The following CDC27 variants were observed in gnomAD, a reference collection of about 807,000 sequenced individuals.
CDC27 encodes cell division cycle 27.
A neutral mutation model predicts 109.7 loss-of-function variants in CDC27; 27 were observed. The observed-to-expected ratio is 0.25, with a 90% CI of 0.18 to 0.34. CDC27 has a LOEUF of 0.34. Among genes scored for constraint, CDC27 ranks in the 10% least tolerant of loss-of-function variants. The pLI is 1.00. For missense variants in CDC27, 579 were observed against 960.2 expected, an observed-to-expected ratio of 0.60 and a Z score of 5.25; for synonymous variants, 266 against 333.9, an observed-to-expected ratio of 0.80 and a Z score of 2.22.
At chr17:47,134,770 G>A (rs1043219880) in intron 14 of CDC27, among the ~76,000 whole-genome samples, 3 of 151,118 alleles carry the variant, frequency 2.0e-5, no homozygotes, top group Admixed American at 6.6e-5. Context: ...CACCGTGCCC[G>A]GCCTTAATTG....
At position 47,182,113 on chromosome 17, in the gene CDC27, A is replaced by G. The variant is rs139980206; in HGVS notation, c.28-476T>C. Among the ~76,000 whole-genome samples, 1,045 of 152,332 alleles carry G rather than the reference A, an allele frequency of 6.9e-3. 15 individuals carry two copies. The highest frequency in any genetic ancestry group is 0.023 in the African/African-American group (941 of 41,580). ...CTTTTAGCAGCAGTGGTTCTCAACC[A>G]CTTTATGTGATATACATGACAGAGA... On this transcript the variant is annotated intron_variant, in intron 1 of 18. Transcript: ENST00000066544.
intron 13 of CDC27, 63 bp downstream of exon 13, chr17:47,138,676 T>A: frequency 1.7e-6 from 2 of 1,157,140 alleles, no homozygotes; most frequent in Non-Finnish European, 2.6e-6. Flanking sequence ...GCTTGGTTCA[T>A]CTCTATCTGT....
intron 2 of CDC27, among the ~76,000 whole-genome samples, chr17:47,172,271 C>T (rs221603): frequency 0.61 from 92,223 of 151,922 alleles, 28,474 homozygotes; most frequent in Admixed American, 0.69. Flanking sequence ...CTTTTCTCTA[C>T]AAGAAACCAA....
At chr17:47,170,137 GAC>G in intron 3 of CDC27, 95 bp from the exon 4 acceptor site, 1 of 937,544 alleles carries the variant, frequency 1.1e-6, no homozygotes, top group Non-Finnish European at 1.5e-6. Context: ...TAACTATGGA[GAC>G]ACAAATTTTT....
intron 8 of CDC27, among the ~76,000 whole-genome samples, chr17:47,152,919 C>T (rs998996364): frequency 1.3e-5 from 2 of 152,114 alleles, no homozygotes; most frequent in Non-Finnish European, 2.9e-5. Flanking sequence ...CTTTCTTTCC[C>T]TAGGAGAGCC....
chr17:47,132,070 C>T (rs568509806), intron 15 of CDC27, among the ~76,000 whole-genome samples, 187 bp downstream of exon 15: 2 of 110,178 alleles, frequency 1.8e-5, no homozygotes, highest in African/African-American at 6.9e-5. Flanking sequence ...GTGACTTGTG[C>T]AAGGGATAAG....
At chr17:47,122,403 G>T in intron 18 of CDC27, 41 bp downstream of exon 18, 1 of 1,367,536 alleles carries the variant, frequency 7.3e-7, no homozygotes, top group Non-Finnish European at 9.9e-7. Flanking sequence ...TATGCAAAAG[G>T]TAACTTTCTA....
chr17:47,123,444 T>A (rs1349384972), intron 17 of CDC27, among the ~76,000 whole-genome samples: 2 of 150,918 alleles, frequency 1.3e-5, no homozygotes, highest in East Asian at 3.9e-4. Context: ...AGAATCTTGT[T>A]CTCTTGCCCA....
At chr17:47,158,835 G>A (rs4968254) in intron 4 of CDC27, among the ~76,000 whole-genome samples, 2,656 of 152,228 alleles carry the variant, frequency 0.017, 31 homozygotes, top group Middle Eastern at 0.027. Flanking sequence ...GCCCAGGCGG[G>A]TCTTGAACTC....
chr17:47,159,274 G>A (rs890684525), intron 4 of CDC27: 12 of 570,886 alleles, frequency 2.1e-5, no homozygotes, highest in Admixed American at 6.2e-5. Flanking sequence ...GTGAATTCCC[G>A]ATAGGGAGAC....
At chr17:47,141,644 C>A (rs982358522) in intron 12 of CDC27, among the ~76,000 whole-genome samples, 1 of 152,068 alleles carries the variant, frequency 6.6e-6, no homozygotes, top group Admixed American at 6.6e-5. Flanking sequence ...CTCTATAAAC[C>A]TATTCCGAGA....
chr17:47,150,807 C>T (rs567800702), intron 9 of CDC27, among the ~76,000 whole-genome samples: 2 of 152,056 alleles, frequency 1.3e-5, no homozygotes, highest in Non-Finnish European at 2.9e-5. Flanking sequence ...CTGAGGCAGG[C>T]GGATCACCTG....
rs1568348977 is a variant in CDC27, at chr17:47,118,359, C to T, written c.*2576G>A. 1 of 152,568 alleles carries T rather than the reference C, an allele frequency of 6.6e-6. No homozygotes were observed. Among genetic ancestry groups the T allele is most frequent in the African/African-American group, 2.4e-5 (1 of 41,436 alleles). 9.5% of individuals were successfully genotyped at this position (152,568 alleles called of 1,614,324 possible). On this transcript the variant is annotated 3_prime_UTR_variant, in exon 19 of 19. Transcript: ENST00000066544. ...GAAAATGTAGGGACCACCTTTCATT[C>T]TTTTGAGTACCACTGTTCTCTTGAA...
chr17:47,132,988 C>CATATATATATATATAT (rs1158266100), intron 14 of CDC27, among the ~76,000 whole-genome samples: 2 of 40,894 alleles, frequency 4.9e-5, no homozygotes, highest in East Asian at 9.5e-4. Flanking sequence ...TGCCCAGGCG[C>CATATATATATATATAT]ATATATATAT....
rs535965560 is a variant in CDC27 at position 47,164,264 on chromosome 17, A to G, written c.377+5653T>C. Among the ~76,000 whole-genome samples, 8 of 152,346 alleles carry G rather than the reference A, an allele frequency of 5.3e-5. No individual in the cohort carries two copies. In the South Asian group the frequency reaches 1.4e-3, roughly 28 times the overall value. On this transcript the variant is annotated intron_variant, in intron 4 of 18. Coordinates refer to ENST00000066544, the MANE Select transcript of CDC27 (RefSeq NM_001256.6). ...ATCTAGGTTTGTGCATATGCACTTT[A>G]TGATGTTCACAAATGACAAAATCAC...
chr17:47,135,181 T>C (rs2062540835), intron 14 of CDC27, among the ~76,000 whole-genome samples: 1 of 152,208 alleles, frequency 6.6e-6, no homozygotes, highest in African/African-American at 2.4e-5. Flanking sequence ...TTCTGTTTTA[T>C]ATTATTATAA....
chr17:47,130,472 T>A (rs1395161316), intron 15 of CDC27, among the ~76,000 whole-genome samples: 1 of 152,248 alleles, frequency 6.6e-6, no homozygotes, highest in Non-Finnish European at 1.5e-5. Flanking sequence ...CTTAAGATAT[T>A]TTAAATAACT....
intron 4 of CDC27, among the ~76,000 whole-genome samples, chr17:47,168,501 G>T (rs1467725771): frequency 2.0e-5 from 3 of 152,070 alleles, no homozygotes. Context: ...TGGGGACTGT[G>T]AGTTATTTAT....
chr17:47,186,723 G>A (rs2064452143), intron 1 of CDC27, among the ~76,000 whole-genome samples: 1 of 151,990 alleles, frequency 6.6e-6, no homozygotes, highest in African/African-American at 2.4e-5. Context: ...GGCATATATG[G>A]TATATCGGAC....
Sources: allele counts gnomAD v4.1 joint callset (sites outside exome capture counted in the v4.1 genomes callset), GRCh38; gene constraint gnomAD v4.1.1; transcripts MANE v1.5; gene names NCBI Gene and HGNC (gene_info 2026-07-23, HGNC 2026-07-21).